Variants in CRB1 observed in about 807,000 individuals in gnomAD.
CRB1 encodes the protein protein crumbs homolog 1.
CRB1 carries 83 observed loss-of-function variants against 120.0 expected under a neutral mutation model. The ratio of observed to expected loss-of-function variants is 0.69; its 90% CI spans 0.58 to 0.83. CRB1 has a LOEUF of 0.83. Ranked by LOEUF, CRB1 falls within the 40% of genes least tolerant of loss-of-function variation. The pLI, the probability that CRB1 is intolerant of heterozygous loss-of-function variation, is 0.00. For missense variants in CRB1, 1,699 were observed against 1,687.6 expected (o/e 1.01, Z -0.12); for synonymous variants, 625 against 612.5 (o/e 1.02, Z -0.30).
intron 5 of CRB1, among the ~76,000 whole-genome samples, chr1:197,387,695 A>T (rs1056860109): frequency 1.3e-5 from 2 of 151,904 alleles, no homozygotes; most frequent in Non-Finnish European, 2.9e-5. Flanking sequence ...GGGTGCAACA[A>T]TTTTTTTCTA....
At chr1:197,405,066 C>T (rs1276643129) in intron 5 of CRB1, among the ~76,000 whole-genome samples, 2 of 151,810 alleles carry the variant, frequency 1.3e-5, no homozygotes, top group African/African-American at 4.8e-5. Context: ...CTCCCTCTCC[C>T]TCTCCCTCTC....
chr1:197,306,124 G>C (rs143995124), intron 1 of CRB1, among the ~76,000 whole-genome samples: 19 of 152,214 alleles, frequency 1.2e-4, no homozygotes, highest in Non-Finnish European at 2.2e-4. Context: ...TCCAGGAAAG[G>C]AAGCAGGGTA....
intron 11 of CRB1, among the ~76,000 whole-genome samples, chr1:197,467,965 GGT>G (rs1197888496): frequency 2.0e-5 from 3 of 152,080 alleles, no homozygotes; most frequent in Non-Finnish European, 4.4e-5. Context: ...GCCCAGTTTT[GGT>G]AAACACTTTC....
At chr1:197,245,190 T>C in the CRB1 span, among the ~76,000 whole-genome samples, 3 of 152,088 alleles carry the variant, frequency 2.0e-5, no homozygotes, top group South Asian at 2.1e-4. Context: ...TAGGTATATC[T>C]CCTAATGCTA....
At position 197,342,464 on chromosome 1, in the gene CRB1, G is replaced by A. The variant is rs75281634; in HGVS notation, c.653-1817G>A. Among the ~76,000 whole-genome samples, 1,195 of 152,102 alleles carry A rather than the reference G, an allele frequency of 7.9e-3. 4 individuals are homozygous for A. Among genetic ancestry groups the A allele is most frequent in the Non-Finnish European group, 0.012 (813 of 67,990 alleles). On this transcript the variant is annotated intron_variant, in intron 2 of 11. Transcript: ENST00000367400. ...AAGCCCCATTTTCTACCTTCTTCTC[G>A]TCTAGCTGTAAAGCTATTAATCCAC...
upstream of CRB1, among the ~76,000 whole-genome samples, chr1:197,263,275 G>A (rs987584431): frequency 1.3e-4 from 20 of 152,252 alleles, no homozygotes; most frequent in Non-Finnish European, 1.5e-5. Flanking sequence ...TTTCTCTGAT[G>A]ATCAGTGATG....
chr1:197,394,965 A>C (rs1312847581), intron 5 of CRB1, among the ~76,000 whole-genome samples: 1 of 151,932 alleles, frequency 6.6e-6, no homozygotes, highest in African/African-American at 2.4e-5. Context: ...TAAATAAATA[A>C]CTCTGACTTA....
At chr1:197,282,144 A>T (rs568129354) in intron 1 of CRB1, among the ~76,000 whole-genome samples, 2 of 151,852 alleles carry the variant, frequency 1.3e-5, no homozygotes, top group East Asian at 3.9e-4. Context: ...AAAATAATTT[A>T]TTCCTTTAAA....
chr1:197,428,855 G>A, intron 7 of CRB1: 1 of 1,002,468 alleles, frequency 1.0e-6, no homozygotes, highest in Non-Finnish European at 1.4e-6. Context: ...GTTAATAGTA[G>A]ACCCAGGACA....
At chr1:197,305,903 GAA>G (rs5779864) in intron 1 of CRB1, among the ~76,000 whole-genome samples, 17 of 135,800 alleles carry the variant, frequency 1.3e-4, no homozygotes, top group South Asian at 2.3e-4. Flanking sequence ...AGATCTAATT[GAA>G]AAAAAAAAAA....
At chr1:197,327,105 A>AAC (rs1558055587) in intron 1 of CRB1, among the ~76,000 whole-genome samples, 27 of 117,860 alleles carry the variant, frequency 2.3e-4, no homozygotes, top group East Asian at 4.3e-4. Flanking sequence ...AAAAAAAAAA[A>AAC]AAAAAAAAAA....
At chr1:197,212,885 T>G in the CRB1 span, among the ~76,000 whole-genome samples, 1 of 152,050 alleles carries the variant, frequency 6.6e-6, no homozygotes, top group African/African-American at 2.4e-5. Flanking sequence ...AAGATAAAAT[T>G]TCTAGTCCAT....
chr1:197,395,175 A>G (rs1406470006), intron 5 of CRB1, among the ~76,000 whole-genome samples: 1 of 152,122 alleles, frequency 6.6e-6, no homozygotes, highest in Non-Finnish European at 1.5e-5. Context: ...CAGCAGAAAA[A>G]CTAAAAGAAA....
rs1050189486 is a variant in CRB1, at chr1:197,362,095, A to G, written c.1171+5082A>G. ...TCCTTTTTGACATCCTTTTTGACCT[A>G]TGGATGATTTAGAAATAAGAATTGA... On this transcript the variant is annotated intron_variant, in intron 5 of 11. Transcript: ENST00000367400. 5.9e-5 allele frequency among the ~76,000 whole-genome samples: 9 copies of G among 151,820 alleles called. No individual in the cohort carries two copies. In the East Asian group the frequency reaches 1.7e-3, roughly 29 times the overall value.
chr1:197,420,329 A>C (rs1212761223), intron 5 of CRB1, among the ~76,000 whole-genome samples: 1 of 152,138 alleles, frequency 6.6e-6, no homozygotes, highest in Non-Finnish European at 1.5e-5. Context: ...AATTAGATAT[A>C]TTTTTTGACT....
At chr1:197,412,970 T>C (rs1272371891) in intron 5 of CRB1, among the ~76,000 whole-genome samples, 1 of 152,126 alleles carries the variant, frequency 6.6e-6, no homozygotes, top group Non-Finnish European at 1.5e-5. Flanking sequence ...GATAAGGCAC[T>C]AATGACTATT....
At chr1:197,294,539 A>G (rs1191839815) in intron 1 of CRB1, among the ~76,000 whole-genome samples, 2 of 152,178 alleles carry the variant, frequency 1.3e-5, no homozygotes, top group Admixed American at 1.3e-4. Context: ...CATTTGACCC[A>G]GCCATCCCAT....
At chr1:197,368,805 G>A (rs184069601) in intron 5 of CRB1, among the ~76,000 whole-genome samples, 44 of 152,244 alleles carry the variant, frequency 2.9e-4, no homozygotes, top group Non-Finnish European at 5.4e-4. Flanking sequence ...TGACCAATAC[G>A]TATTAGAAAA....
At chr1:197,353,178 C>T (rs1558074367) in intron 4 of CRB1, among the ~76,000 whole-genome samples, 1 of 151,820 alleles carries the variant, frequency 6.6e-6, no homozygotes, top group Non-Finnish European at 1.5e-5. Context: ...TTATATCTGC[C>T]CATGATGGAA....
Sources: gnomAD v4.1 joint callset for allele counts (sites outside exome capture counted in the v4.1 genomes callset) on GRCh38, gnomAD v4.1.1 for gene constraint, MANE v1.5 for transcripts, NCBI Gene and HGNC (gene_info 2026-07-23, HGNC 2026-07-21) for gene names.